The following SLC26A5 variants were observed in gnomAD, a reference collection of about 807,000 sequenced individuals.
SLC26A5 encodes the protein solute carrier family 26 member 5, also known as prestin.
Under a neutral mutation model 81.0 loss-of-function variants are expected in SLC26A5, and 51 were observed. The observed-to-expected ratio is 0.63, with a 90% confidence interval of 0.50 to 0.80. SLC26A5 has a LOEUF of 0.80. Among genes scored for constraint, SLC26A5 ranks in the 30% least tolerant of loss-of-function variants. The pLI is 0.00. For missense variants in SLC26A5, 771 were observed against 905.8 expected (o/e 0.85, Z 1.91); for synonymous variants, 325 against 332.8 (o/e 0.98, Z 0.25).
chr7:103,363,109 ATT>A (rs1491311482), intron 19 of SLC26A5, among the ~76,000 whole-genome samples: 5 of 151,990 alleles, frequency 3.3e-5, no homozygotes, highest in African/African-American at 1.2e-4. Flanking sequence ...TTATATATAT[ATT>A]TTTTGAGACA....
chr7:103,423,652 C>T (rs1419645575), intron 2 of SLC26A5, among the ~76,000 whole-genome samples: 2 of 152,136 alleles, frequency 1.3e-5, no homozygotes, highest in Non-Finnish European at 2.9e-5. Context: ...CAGTGTTCCT[C>T]CTCTCTAGAG....
At chr7:103,362,509 T>G (rs1012201023) in intron 19 of SLC26A5, 1 of 1,414,494 alleles carries the variant, frequency 7.1e-7, no homozygotes, top group African/African-American at 1.5e-5. Context: ...TTTGCGACAT[T>G]AGACATGTAG....
In SLC26A5 at chr7:103,421,465, T is replaced by C. The variant is rs775768222; in HGVS notation, c.50A>G (p.Tyr17Cys). The C allele has an allele frequency of 2.0e-5, 32 of 1,613,914 alleles. No homozygotes were observed. The highest frequency in any genetic ancestry group is 1.6e-4 in the Middle Eastern group (1 of 6,084). The change falls in exon 3 of 20, where the codon TAT (tyrosine) becomes TGT (cysteine). Residue 17 changes from tyrosine (Y) to cysteine (C), a missense_variant. Transcript: ENST00000306312. Reference protein sequence around the residue: ...NEILAATQRYYVERPIFSHPV... With the variant: ...NEILAATQRYCVERPIFSHPV... ...ATGACTAAAGATAGGCCTTTCCACA[T>C]AGTACCTCTGGGTTGCTGCAAGGAT...
At chr7:103,407,809 A>G in intron 8 of SLC26A5, 42 bp downstream of exon 8, 1 of 1,608,218 alleles carries the variant, frequency 6.2e-7, no homozygotes, top group Non-Finnish European at 8.5e-7. Flanking sequence ...AAGTAAATGC[A>G]GTTGTAGAAG....
At chr7:103,355,888 T>G in intron 19 of SLC26A5, 1 of 833,994 alleles carries the variant, frequency 1.2e-6, no homozygotes, top group Non-Finnish European at 1.8e-6. Flanking sequence ...TCATAAATAA[T>G]TTTGATTCCA....
At chr7:103,382,339 C>T (rs1417153401) in intron 14 of SLC26A5, among the ~76,000 whole-genome samples, 2 of 145,660 alleles carry the variant, frequency 1.4e-5, no homozygotes, top group Admixed American at 6.9e-5. Flanking sequence ...TTTGAGAGCC[C>T]TATTTCCTTT....
chr7:103,420,713 G>T, intron 4 of SLC26A5, 25 bp downstream of exon 4: 1 of 1,613,548 alleles, frequency 6.2e-7, no homozygotes, highest in Non-Finnish European at 8.5e-7. Context: ...ACAGCAAGGG[G>T]GGAAAGAAAG....
At chr7:103,442,622 A>G (rs1456227605) in intron 2 of SLC26A5, among the ~76,000 whole-genome samples, 1 of 152,216 alleles carries the variant, frequency 6.6e-6, no homozygotes, top group Admixed American at 6.5e-5. Flanking sequence ...ATGGAATTAT[A>G]CATTGGTTGC....
chr7:103,386,378 T>C (rs1326860666), intron 14 of SLC26A5, among the ~76,000 whole-genome samples: 1 of 152,036 alleles, frequency 6.6e-6, no homozygotes, highest in Non-Finnish European at 1.5e-5. Flanking sequence ...CCATCCTGGC[T>C]GACACGATGA....
chr7:103,434,643 T>TTTTA (rs66948143), intron 2 of SLC26A5, among the ~76,000 whole-genome samples: 51 of 150,784 alleles, frequency 3.4e-4, no homozygotes, highest in Admixed American at 8.6e-4. Flanking sequence ...AAGAGATTAT[T>TTTTA]TTTATTTATT....
chr7:103,371,429 A>G (rs1285427003), downstream of SLC26A5, among the ~76,000 whole-genome samples: 1 of 148,046 alleles, frequency 6.8e-6, no homozygotes, highest in Non-Finnish European at 1.5e-5. Flanking sequence ...GGTTCACGCC[A>G]TTCTCCTGCC....
chr7:103,355,874 T>C (rs1820004223), intron 19 of SLC26A5: 1 of 935,808 alleles, frequency 1.1e-6, no homozygotes, highest in East Asian at 2.5e-5. Context: ...GATAATGCAA[T>C]AGTTCATAAA....
At chr7:103,430,599 T>A (rs572928371) in intron 2 of SLC26A5, among the ~76,000 whole-genome samples, 1,829 of 151,778 alleles carry the variant, frequency 0.012, 45 homozygotes, top group African/African-American at 0.041. Context: ...CCAGAGAGGA[T>A]GGCTTTGGAG....
In SLC26A5 at chr7:103,407,877, C is replaced by T; in HGVS notation, c.862G>A (p.Ala288Thr). The T allele has an allele frequency of 6.2e-7, 1 of 1,614,108 alleles. No homozygotes were observed. The highest frequency in any genetic ancestry group is 8.5e-7 in the Non-Finnish European group (1 of 1,180,008). ...FNERFKEKLP[A>T]PIPLEFFAVV... ...GCAAAGAACTCTAAAGGAATAGGCG[C>T]CGGCAATTTCTCTTTAAATCTCTCA... Residue 288 changes from alanine to threonine, a missense_variant, in exon 8 of 20, where the codon GCG (alanine) becomes ACG (threonine). By Grantham distance (58) the Ala-to-Thr change is moderately conservative (BLOSUM62 0). Transcript: ENST00000306312.
intron 19 of SLC26A5, chr7:103,368,496 T>C (rs1820840031): frequency 2.6e-5 from 4 of 153,538 alleles, no homozygotes; most frequent in Admixed American, 1.9e-4. Flanking sequence ...GCTCCTATTA[T>C]CCGCTTCTGT....
Position 103,374,528 on chromosome 7 carries a change from C to A in SLC26A5, c.2106G>T (p.Leu702=). ...AAACTGCATCATGAATGCTGTGGAACAGCAGCTCCCATAGGGCAGGATTTT... is the reference window on the plus strand; with the variant it reads ...AAACTGCATCATGAATGCTGTGGAAAAGCAGCTCCCATAGGGCAGGATTTT... ...FFENPALWEL[L]FHSIHDAVLG... is the part of the protein sequence containing the mutation. The change falls in exon 20 of 20, where the codon CTG becomes CTT. Residue 702 remains leucine, a synonymous_variant. Transcript: ENST00000306312. 1 of 1,614,026 alleles carries A rather than the reference C, an allele frequency of 6.2e-7. No homozygotes were observed. Among genetic ancestry groups the A allele is most frequent in the Admixed American group, 1.7e-5 (1 of 60,006 alleles).
downstream of SLC26A5, among the ~76,000 whole-genome samples, chr7:103,370,649 T>C (rs1820982166): frequency 6.6e-6 from 1 of 152,238 alleles, no homozygotes; most frequent in African/African-American, 2.4e-5. Flanking sequence ...TAACAGTTTC[T>C]TGGGGTTCCA....
chr7:103,410,519 C>A lies in SLC26A5; in HGVS notation c.601G>T (p.Val201Leu). Residue 201 changes from valine to leucine, a missense_variant, in exon 7 of 20, where the codon GTG (valine) becomes TTG (leucine). Transcript: ENST00000306312. ...AGAGGCTCTGTGAGATATATGGCCA[C>A]AAATCCAAACCTACAGACACCTAGG... is the stretch of plus-strand genomic sequence containing the variant. ...FCLGVCRFGF[V>L]AIYLTEPLVR... is the part of the protein sequence containing the mutation. 6.2e-7 allele frequency: 1 copy of A among 1,613,882 alleles called. No homozygotes were observed. Among genetic ancestry groups the A allele is most frequent in the African/African-American group, 1.3e-5 (1 of 74,958 alleles).
chr7:103,402,547 G>A (rs1823686121), intron 8 of SLC26A5, among the ~76,000 whole-genome samples: 1 of 151,976 alleles, frequency 6.6e-6, no homozygotes, highest in Admixed American at 6.6e-5. Context: ...CTACAGGCAT[G>A]TGCCACCATG....
Sources: allele counts gnomAD v4.1 joint callset (sites outside exome capture counted in the v4.1 genomes callset), GRCh38; gene constraint gnomAD v4.1.1; transcripts MANE v1.5; gene names NCBI Gene and HGNC (gene_info 2026-07-23, HGNC 2026-07-21).